The following ATP2C1 variants were observed in gnomAD, a reference collection of about 807,000 sequenced individuals.
The protein encoded by ATP2C1 is calcium-transporting ATPase type 2C member 1.
ATP2C1 carries 31 observed loss-of-function variants against 120.5 expected under a neutral mutation model. The observed-to-expected ratio is 0.26, with a 90% confidence interval of 0.19 to 0.35. The LOEUF is 0.35. Among genes scored for constraint, ATP2C1 ranks in the 10% least tolerant of loss-of-function variants. The pLI is 1.00. For missense variants in ATP2C1, 731 were observed against 1,107.5 expected, an observed-to-expected ratio of 0.66 and a Z score of 4.83; for synonymous variants, 351 against 358.7, an observed-to-expected ratio of 0.98 and a Z score of 0.24.
chr3:130,949,681 A>G (rs1387629698), intron 8 of ATP2C1, among the ~76,000 whole-genome samples: 2 of 152,198 alleles, frequency 1.3e-5, no homozygotes, highest in South Asian at 4.1e-4. Flanking sequence ...TTATGTAAGC[A>G]TCTACCACGG....
chr3:130,993,380 T>C lies in ATP2C1; in HGVS notation c.1890+379T>C, dbSNP rs538310306. Among the ~76,000 whole-genome samples, 5 of 152,326 alleles carry C rather than the reference T, an allele frequency of 3.3e-5. No homozygotes were observed. In the East Asian group the frequency reaches 9.6e-4, roughly 29 times the overall value. On this transcript the variant is annotated intron_variant, in intron 21 of 27. Transcript: ENST00000510168. ...AACAGTGCTTAAAAGGCTATGATTA[T>C]TTATATTAATTAGTCAAATGTATTT...
intron 12 of ATP2C1, 177 bp downstream of exon 12, chr3:130,959,518 A>G (rs757343822): frequency 3.4e-5 from 16 of 473,036 alleles, no homozygotes; most frequent in Non-Finnish European, 5.0e-5. Context: ...ATGAAAATGT[A>G]TGTATATGGT....
At chr3:131,013,809 TA>T (rs2063441098) in intron 26 of ATP2C1, 1 of 367,788 alleles carries the variant, frequency 2.7e-6, no homozygotes, top group African/African-American at 2.1e-5. Context: ...ATATTACCAT[TA>T]ACTTGCTGAA....
rs550370170 is a variant in ATP2C1, at chr3:130,902,883, T to C, written c.6+8108T>C. On this transcript the variant is annotated intron_variant, in intron 2 of 27. Transcript: ENST00000510168. ...GGTGTTAGGGACAGGACCACCGATA[T>C]TTTCATCTCTAATACCAATCCCTTA... Among the ~76,000 whole-genome samples the C allele has an allele frequency of 4.6e-5, 7 of 152,128 alleles. No homozygotes were observed. The South Asian group carries it at 1.5e-3, about 32-fold the overall frequency.
chr3:130,921,529 TC>T (rs1215104122), intron 2 of ATP2C1, among the ~76,000 whole-genome samples: 1 of 152,242 alleles, frequency 6.6e-6, no homozygotes, highest in Non-Finnish European at 1.5e-5. Flanking sequence ...CTTGCTTTGT[TC>T]CTGATCTTTC....
intron 22 of ATP2C1, among the ~76,000 whole-genome samples, chr3:130,995,726 C>T (rs552182852): frequency 3.3e-5 from 5 of 152,272 alleles, no homozygotes; most frequent in African/African-American, 9.6e-5. Flanking sequence ...CTGCAACCTC[C>T]GCCTCCCGGG....
intron 1 of ATP2C1, among the ~76,000 whole-genome samples, chr3:130,864,920 T>A (rs1004160453): frequency 6.6e-6 from 1 of 152,078 alleles, no homozygotes. Flanking sequence ...AGAGCCCCCA[T>A]ACAGAGTCCC....
intron 1 of ATP2C1, among the ~76,000 whole-genome samples, chr3:130,859,155 G>T: frequency 6.6e-6 from 1 of 152,170 alleles, no homozygotes; most frequent in East Asian, 1.9e-4. Context: ...TTAGAAATAA[G>T]GAGAGGGCAG....
intron 1 of ATP2C1, among the ~76,000 whole-genome samples, chr3:130,883,945 C>CTTTTTTTTTTTTTTTTTTTTT (rs35365168): frequency 2.5e-5 from 3 of 122,438 alleles, no homozygotes; most frequent in Non-Finnish European, 1.7e-5. Context: ...TTCTTTTCTT[C>CTTTTTTTTTTTTTTTTTTTTT]TTTTTTTTTT....
At chr3:130,882,022 T>C (rs897457017) in intron 1 of ATP2C1, among the ~76,000 whole-genome samples, 5 of 152,180 alleles carry the variant, frequency 3.3e-5, no homozygotes, top group Non-Finnish European at 7.4e-5. Flanking sequence ...CTTCTTCTTT[T>C]ACAATTTAGA....
intron 8 of ATP2C1, among the ~76,000 whole-genome samples, chr3:130,950,573 A>G (rs1274535555): frequency 6.6e-6 from 1 of 152,124 alleles, no homozygotes; most frequent in Non-Finnish European, 1.5e-5. Context: ...TCTTGCAATC[A>G]CTATTAAGAG....
intron 26 of ATP2C1, chr3:131,016,006 A>G (rs1417506646): frequency 9.0e-7 from 1 of 1,115,284 alleles, no homozygotes; most frequent in Non-Finnish European, 1.3e-6. Context: ...CAGTGACTCA[A>G]AATCAATTAC....
At chr3:130,902,297 G>GT (rs398052267) in intron 2 of ATP2C1, among the ~76,000 whole-genome samples, 635 of 13,246 alleles carry the variant, frequency 0.048, 33 homozygotes, top group African/African-American at 0.12. Context: ...TTTTTTTTTT[G>GT]TTTTTTTTTT....
intron 20 of ATP2C1, among the ~76,000 whole-genome samples, chr3:130,985,762 A>G (rs1039010022): frequency 2.6e-5 from 4 of 152,274 alleles, no homozygotes; most frequent in African/African-American, 9.6e-5. Context: ...GCATGGAGAT[A>G]GTCCATAAAA....
chr3:130,994,978 A>G (rs748467906), intron 22 of ATP2C1, among the ~76,000 whole-genome samples: 1 of 152,216 alleles, frequency 6.6e-6, no homozygotes, highest in Non-Finnish European at 1.5e-5. Context: ...CATGTGATCT[A>G]CTTGATGTGC....
chr3:130,922,594 C>G lies in ATP2C1; in HGVS notation c.7-7822C>G, dbSNP rs187788329. Among the ~76,000 whole-genome samples, 696 of 152,304 alleles carry G rather than the reference C, an allele frequency of 4.6e-3. 15 individuals are homozygous for G. The South Asian group carries it at 0.057, about 13-fold the overall frequency. The stretch of plus-strand genomic sequence containing the variant: ...GACTTTTTGATGTAGGCATTTAATG[C>G]TGTGACCTTTCCTCTTAGCACTGCT... On this transcript the variant is annotated intron_variant, in intron 2 of 27. Coordinates refer to ENST00000510168, the MANE Select transcript of ATP2C1 (RefSeq NM_001378687.1).
At chr3:130,954,226 GT>G (rs1330395280) in intron 9 of ATP2C1, among the ~76,000 whole-genome samples, 8 of 151,960 alleles carry the variant, frequency 5.3e-5, no homozygotes, top group Admixed American at 2.0e-4. Context: ...GAGAAACAGT[GT>G]TTTCATGGAT....
At chr3:130,949,637 AC>A (rs146991904) in intron 8 of ATP2C1, among the ~76,000 whole-genome samples, 4,654 of 152,212 alleles carry the variant, frequency 0.031, 227 homozygotes, top group African/African-American at 0.1. Flanking sequence ...CTTCTGAATA[AC>A]TTTCTGTATA....
At chr3:130,970,183 T>C (rs141304251) in intron 17 of ATP2C1, among the ~76,000 whole-genome samples, 2,773 of 151,976 alleles carry the variant, frequency 0.018, 39 homozygotes, top group Middle Eastern at 0.037. Context: ...CCAGGTGTGG[T>C]GGTGTGTGCC....
Sources: gnomAD v4.1 joint callset for allele counts (sites outside exome capture counted in the v4.1 genomes callset) on GRCh38, gnomAD v4.1.1 for gene constraint, MANE v1.5 for transcripts, NCBI Gene and HGNC (gene_info 2026-07-23, HGNC 2026-07-21) for gene names.